The following STK32B variants were observed in gnomAD, a reference collection of about 807,000 sequenced individuals.
STK32B encodes the protein serine/threonine-protein kinase 32B.
Under a neutral mutation model 52.6 loss-of-function variants are expected in STK32B, and 43 were observed. The observed-to-expected ratio is 0.82, with a 90% confidence interval of 0.64 to 1.05. The LOEUF (loss-of-function observed/expected upper bound fraction) is 1.05. STK32B is among the 50% of genes least tolerant of loss of function. The pLI is 0.00. For synonymous variants in STK32B, 238 were observed against 204.3 expected (o/e 1.17, Z -1.41); for missense variants, 621 against 534.6 (o/e 1.16, Z -1.59).
chr4:5,483,637 ATG>A (rs1474058296), intron 11 of STK32B, among the ~76,000 whole-genome samples: 7 of 151,878 alleles, frequency 4.6e-5, no homozygotes, highest in African/African-American at 1.5e-4. Flanking sequence ...TAGCTTTTGA[ATG>A]TGTTTGCTCT....
intron 3 of STK32B, among the ~76,000 whole-genome samples, chr4:5,330,058 C>T (rs779604337): frequency 4.6e-5 from 7 of 152,174 alleles, no homozygotes; most frequent in Admixed American, 2.0e-4. Context: ...GACACTGCAG[C>T]GAGTGAGAGT....
intron 3 of STK32B, among the ~76,000 whole-genome samples, chr4:5,178,882 TC>T (rs1720131970): frequency 6.6e-6 from 1 of 152,194 alleles, no homozygotes; most frequent in South Asian, 2.1e-4. Context: ...TCCCACATCT[TC>T]CTGTCTTCTT....
Position 5,173,225 on chromosome 4 carries a change from A to G in STK32B, c.260+4775A>G, listed in dbSNP as rs147607782. The stretch of plus-strand genomic sequence containing the variant: ...TTCTTCTTTATTAGTCTTGCAGTCT[A>G]TCAATTTTGTTGATCTTTCAAAAAA... On this transcript the variant is annotated intron_variant, in intron 3 of 11. Transcript: ENST00000282908. Among the ~76,000 whole-genome samples, 101 of 151,694 alleles carry G rather than the reference A, an allele frequency of 6.7e-4. 2 individuals carry two copies. The highest frequency in any genetic ancestry group is 2.3e-3 in the African/African-American group (94 of 41,300).
At chr4:5,249,491 C>A (rs57307558) in intron 3 of STK32B, among the ~76,000 whole-genome samples, 2 of 144,330 alleles carry the variant, frequency 1.4e-5, no homozygotes, top group Non-Finnish European at 3.0e-5. Context: ...TCCTTCCTTC[C>A]TTCCTTCCTT....
intron 4 of STK32B, among the ~76,000 whole-genome samples, chr4:5,381,773 G>C (rs146196368): frequency 2.6e-5 from 4 of 152,186 alleles, no homozygotes; most frequent in Non-Finnish European, 5.9e-5. Flanking sequence ...GGTTCTGGAA[G>C]CAGCTGTCTG....
chr4:5,311,166 A>G (rs909631999), intron 3 of STK32B, among the ~76,000 whole-genome samples: 9 of 152,218 alleles, frequency 5.9e-5, no homozygotes, highest in African/African-American at 2.2e-4. Context: ...GTACCACTAT[A>G]GAATTACTTT....
At chr4:5,438,424 C>A (rs750272463) in intron 6 of STK32B, among the ~76,000 whole-genome samples, 4 of 152,144 alleles carry the variant, frequency 2.6e-5, no homozygotes, top group Non-Finnish European at 5.9e-5. Context: ...TAGGAAGAGG[C>A]AGACAAAAAG....
In STK32B at chr4:5,345,439, G is replaced by A. The variant is rs560889100; in HGVS notation, c.434+14046G>A. The A allele has an allele frequency of 1.2e-4, 18 of 151,736 alleles. No homozygotes were observed. The South Asian group carries it at 3.1e-3, about 26-fold the overall frequency. 9.4% of individuals were successfully genotyped at this position (151,736 alleles called of 1,614,324 possible). On this transcript the variant is annotated intron_variant, in intron 4 of 11. Coordinates refer to ENST00000282908, the MANE Select transcript of STK32B (RefSeq NM_018401.3). The stretch of plus-strand genomic sequence containing the variant: ...TTAACTCACTAAAAGGCAAATAAAC[G>A]ATACACTAAAAGCACATGCATGTTT...
At chr4:5,256,246 G>A (rs1726286530) in intron 3 of STK32B, among the ~76,000 whole-genome samples, 1 of 152,168 alleles carries the variant, frequency 6.6e-6, no homozygotes, top group African/African-American at 2.4e-5. Context: ...CATCTCACAA[G>A]CTTAGTGTCT....
the STK32B span, among the ~76,000 whole-genome samples, chr4:5,042,795 A>T: frequency 6.6e-6 from 1 of 152,230 alleles, no homozygotes; most frequent in Admixed American, 6.5e-5. Flanking sequence ...AGTAGCCAAT[A>T]GCTCCTAGGC....
intron 3 of STK32B, among the ~76,000 whole-genome samples, chr4:5,185,498 G>C (rs1403877516): frequency 2.0e-5 from 3 of 152,218 alleles, no homozygotes; most frequent in African/African-American, 7.2e-5. Flanking sequence ...TTAAGTATTT[G>C]AAGGCAGAGC....
intron 3 of STK32B, among the ~76,000 whole-genome samples, chr4:5,192,434 C>T (rs1721284012): frequency 1.3e-5 from 2 of 152,166 alleles, no homozygotes; most frequent in Non-Finnish European, 2.9e-5. Context: ...AGACACTAGC[C>T]CCAGGCTGTT....
the STK32B span, among the ~76,000 whole-genome samples, chr4:5,040,793 G>A: frequency 6.6e-5 from 10 of 152,118 alleles, no homozygotes; most frequent in Admixed American, 2.0e-4. Context: ...TGAGATATGC[G>A]TTGTCACCAC....
chr4:5,490,009 T>C (rs918026933), intron 11 of STK32B, among the ~76,000 whole-genome samples: 2 of 152,162 alleles, frequency 1.3e-5, no homozygotes, highest in Non-Finnish European at 2.9e-5. Context: ...TGGATAGTAA[T>C]ACAAACTCAC....
At position 5,436,489 on chromosome 4, in the gene STK32B, C is replaced by T. The variant is rs1476171330; in HGVS notation, c.563-10184C>T. On this transcript the variant is annotated intron_variant, in intron 6 of 11. Transcript: ENST00000282908. Reference sequence around the variant, plus strand: ...AAGATCTTTTAGCAGGGAATACCATCATCTGTGGCATGTCAGAAAACTGAC... The same window carrying T: ...AAGATCTTTTAGCAGGGAATACCATTATCTGTGGCATGTCAGAAAACTGAC... The T allele has an allele frequency of 5.4e-6, 3 of 560,544 alleles. No homozygotes were observed. The African/African-American group carries it at 6.2e-5, about 11-fold the overall frequency. 34.7% of individuals were successfully genotyped at this position (560,544 alleles called of 1,614,324 possible). A position where few individuals can be genotyped will look rare whatever the true frequency, so the allele number is the denominator to read the frequency against.
intron 4 of STK32B, among the ~76,000 whole-genome samples, chr4:5,361,422 A>T (rs976381653): frequency 1.3e-5 from 2 of 152,128 alleles, no homozygotes; most frequent in Admixed American, 1.3e-4. Context: ...TCCAGGCTGG[A>T]GTGCAGTGGC....
At chr4:5,175,719 G>T (rs894434629) in intron 3 of STK32B, among the ~76,000 whole-genome samples, 1 of 152,174 alleles carries the variant, frequency 6.6e-6, no homozygotes, top group Non-Finnish European at 1.5e-5. Context: ...CCTACTGGGG[G>T]GTGCCTCCCA....
chr4:5,086,547 T>C (rs1043337011), intron 1 of STK32B, among the ~76,000 whole-genome samples: 1 of 151,828 alleles, frequency 6.6e-6, no homozygotes, highest in Non-Finnish European at 1.5e-5. Context: ...AAATAATATT[T>C]GAAGATAATA....
At chr4:5,236,524 A>T (rs759746892) in intron 3 of STK32B, among the ~76,000 whole-genome samples, 4 of 152,136 alleles carry the variant, frequency 2.6e-5, no homozygotes, top group Non-Finnish European at 5.9e-5. Flanking sequence ...GTGACTTCCA[A>T]CTGCATCAAT....
Sources: allele counts gnomAD v4.1 joint callset (sites outside exome capture counted in the v4.1 genomes callset), GRCh38; gene constraint gnomAD v4.1.1; transcripts MANE v1.5; gene names NCBI Gene and HGNC (gene_info 2026-07-23, HGNC 2026-07-21).